The following MARCO variants were observed in gnomAD, a reference collection of about 807,000 sequenced individuals.
The protein encoded by MARCO is macrophage receptor with collagenous structure.
Under a neutral mutation model 70.0 loss-of-function variants are expected in MARCO, and 72 were observed. That is an observed-to-expected ratio of 1.03 (90% confidence interval 0.85 to 1.25). MARCO has a LOEUF of 1.25. Ranked by LOEUF, MARCO falls within the 50% of genes most tolerant of loss-of-function variation. The pLI is 0.00. For synonymous variants in MARCO, 273 were observed against 243.1 expected (o/e 1.12, Z -1.14); for missense variants, 696 against 659.3 (o/e 1.06, Z -0.61).
intron 1 of MARCO, among the ~76,000 whole-genome samples, chr2:118,966,029 C>T (rs1398585406): frequency 6.6e-6 from 1 of 151,962 alleles, no homozygotes; most frequent in Non-Finnish European, 1.5e-5. Flanking sequence ...GGGAGGAGGA[C>T]ACCCTACCAG....
At chr2:118,945,978 G>A (rs1011039115) in intron 1 of MARCO, among the ~76,000 whole-genome samples, 2 of 152,036 alleles carry the variant, frequency 1.3e-5, no homozygotes, top group Non-Finnish European at 2.9e-5. Flanking sequence ...CTTGCAACAC[G>A]ACTGCTATTA....
chr2:118,986,652 AGAAGGAAGGAAGGAAG>A (rs199975278), intron 12 of MARCO, among the ~76,000 whole-genome samples: 5 of 48,442 alleles, frequency 1.0e-4, no homozygotes, highest in African/African-American at 5.8e-4. Flanking sequence ...AAAGAAAGAA[AGAAGGAAGGAAGGAAG>A]GAAGGAAAGA....
At position 118,954,081 on chromosome 2, in the gene MARCO, G is replaced by A. The variant is rs1679780387; in HGVS notation, c.97+11684G>A. ...GAAGCCTCCTGACCAGAACTCAGGG[G>A]AGGGTGCGAATCCAGCTTGCAGACT... On this transcript the variant is annotated intron_variant, in intron 1 of 16. Coordinates refer to ENST00000327097, the MANE Select transcript of MARCO (RefSeq NM_006770.4). 5.3e-5 allele frequency among the ~76,000 whole-genome samples: 8 copies of A among 152,230 alleles called. No individual in the cohort carries two copies. The South Asian group carries it at 1.7e-3, about 32-fold the overall frequency.
chr2:118,974,471 A>T, intron 5 of MARCO, 31 bp downstream of exon 5: 1 of 1,612,016 alleles, frequency 6.2e-7, no homozygotes, highest in South Asian at 1.1e-5. Flanking sequence ...ACCCTTAATC[A>T]TTTTCCTCCT....
Position 118,974,343 on chromosome 2 carries a change from T to C in MARCO, c.471T>C (p.Gly157=), listed in dbSNP as rs17851369. Reference sequence around the variant, plus strand: ...GTTCCTCTTCCTCAGGTCTTCAAGGTCACAAGGGGGCCATGGGCATGCCTG... The same window carrying C: ...GTTCCTCTTCCTCAGGTCTTCAAGGCCACAAGGGGGCCATGGGCATGCCTG... The part of the protein sequence containing the change: ...KGEQGAPGLQ[G]HKGAMGMPGA... The change falls in exon 5 of 17, where the codon GGT becomes GGC. Residue 157 remains glycine (G), a synonymous_variant. Coordinates refer to ENST00000327097, the MANE Select transcript of MARCO (RefSeq NM_006770.4). 3 of 1,599,516 alleles carry C rather than the reference T, an allele frequency of 1.9e-6. No individual in the cohort carries two copies. The highest frequency in any genetic ancestry group is 1.3e-5 in the African/African-American group (1 of 74,714).
At chr2:118,989,833 C>G (rs1253440498) in intron 12 of MARCO, among the ~76,000 whole-genome samples, 1 of 152,140 alleles carries the variant, frequency 6.6e-6, no homozygotes, top group African/African-American at 2.4e-5. Context: ...CTTGAGGAGT[C>G]CTATTTCTCT....
chr2:118,993,604 T>G (rs1680665690), intron 16 of MARCO, among the ~76,000 whole-genome samples: 1 of 152,110 alleles, frequency 6.6e-6, no homozygotes, highest in Non-Finnish European at 1.5e-5. Context: ...CAGATGGCTC[T>G]CCAAAGGACA....
chr2:118,978,321 G>T, intron 8 of MARCO, among the ~76,000 whole-genome samples: 1 of 152,182 alleles, frequency 6.6e-6, no homozygotes. Flanking sequence ...TTGACTGAGG[G>T]TGCTATCTCT....
At chr2:118,954,402 A>C (rs1042286233) in intron 1 of MARCO, among the ~76,000 whole-genome samples, 15 of 152,194 alleles carry the variant, frequency 9.9e-5, no homozygotes, top group African/African-American at 3.6e-4. Context: ...CCCCCACGGC[A>C]GCTGCAGCAA....
chr2:118,993,578 C>T (rs951792331), intron 16 of MARCO, among the ~76,000 whole-genome samples: 2 of 152,184 alleles, frequency 1.3e-5, no homozygotes, highest in African/African-American at 4.8e-5. Context: ...TGCCACATGG[C>T]TGAGGGTGTT....
At chr2:118,946,293 A>G (rs537065650) in intron 1 of MARCO, among the ~76,000 whole-genome samples, 1 of 152,288 alleles carries the variant, frequency 6.6e-6, no homozygotes, top group Admixed American at 6.5e-5. Flanking sequence ...AGTTGTACCA[A>G]TTCTATGCTT....
intron 12 of MARCO, 65 bp downstream of exon 12, chr2:118,982,475 A>G (rs1680413554): frequency 1.3e-6 from 2 of 1,490,312 alleles, no homozygotes; most frequent in African/African-American, 2.8e-5. Flanking sequence ...GGAGAGAAAA[A>G]CTGCTTCTTC....
At chr2:118,977,590 A>G in intron 7 of MARCO, 75 bp downstream of exon 7, 1 of 762,706 alleles carries the variant, frequency 1.3e-6, no homozygotes, top group Non-Finnish European at 1.8e-6. Flanking sequence ...CCCACCCCCC[A>G]TCCTCTTTCC....
chr2:118,988,671 C>A (rs775336009), intron 12 of MARCO, among the ~76,000 whole-genome samples: 3 of 152,050 alleles, frequency 2.0e-5, no homozygotes, highest in Non-Finnish European at 4.4e-5. Context: ...GATCTTTCGC[C>A]CAACCCATCT....
intron 1 of MARCO, among the ~76,000 whole-genome samples, chr2:118,943,504 C>T (rs1679541563): frequency 1.3e-5 from 2 of 152,180 alleles, no homozygotes; most frequent in African/African-American, 4.8e-5. Flanking sequence ...TGGCCTCTGG[C>T]TTCTGGCACG....
intron 3 of MARCO, among the ~76,000 whole-genome samples, chr2:118,970,977 C>T (rs1472449322): frequency 6.6e-6 from 1 of 152,224 alleles, no homozygotes; most frequent in Non-Finnish European, 1.5e-5. Flanking sequence ...GATCCCATGG[C>T]TAGGTCCTGT....
intron 12 of MARCO, among the ~76,000 whole-genome samples, chr2:118,983,787 A>T (rs1335056304): frequency 6.6e-6 from 1 of 151,868 alleles, no homozygotes; most frequent in Non-Finnish European, 1.5e-5. Flanking sequence ...CTCGGTTGTA[A>T]ATAGTAGTCA....
In MARCO at chr2:118,986,721, GAAA is replaced by G. The variant is rs370264640; in HGVS notation, c.1064-3866_1064-3864del. On this transcript the variant is annotated intron_variant, in intron 12 of 16. Coordinates refer to ENST00000327097, the MANE Select transcript of MARCO (RefSeq NM_006770.4). ...AGAAAGAAAGAAAGAAAGAAAGAAA[GAAA>G]AGAAAGAAAGAAAGAGAAAGAAAGA... is the stretch of plus-strand genomic sequence containing the variant. Among the ~76,000 whole-genome samples the G allele has an allele frequency of 1.2e-4, 11 of 88,614 alleles. 1 individual carries two copies. Among genetic ancestry groups the G allele is most frequent in the Admixed American group, 5.3e-4 (5 of 9,430 alleles). The allele number at this position is 88,614 out of a possible 152,430, so 58.1% of individuals were successfully genotyped here. A position where few individuals can be genotyped will look rare whatever the true frequency, so the allele number is the denominator to read the frequency against.
intron 4 of MARCO, among the ~76,000 whole-genome samples, chr2:118,973,911 C>T (rs12991328): frequency 0.029 from 4,351 of 152,322 alleles, 81 homozygotes; most frequent in Middle Eastern, 0.054. Context: ...GGGATCCAGA[C>T]ATGAAGAAGA....
Sources: gnomAD v4.1 joint callset for allele counts (sites outside exome capture counted in the v4.1 genomes callset) on GRCh38, gnomAD v4.1.1 for gene constraint, MANE v1.5 for transcripts, NCBI Gene and HGNC (gene_info 2026-07-23, HGNC 2026-07-21) for gene names.